The following SPECC1 variants were observed in gnomAD, a reference collection of about 807,000 sequenced individuals.
The protein encoded by SPECC1 is sperm antigen with calponin homology and coiled-coil domains 1.
A neutral mutation model predicts 104.1 loss-of-function variants in SPECC1; 62 were observed. The ratio of observed to expected loss-of-function variants is 0.60; its 90% CI spans 0.49 to 0.74. The LOEUF is 0.74. SPECC1 is among the 30% of genes least tolerant of loss of function. SPECC1 has a pLI of 0.00. For synonymous variants in SPECC1, 513 were observed against 501.6 expected, an observed-to-expected ratio of 1.02 and a Z score of -0.30; for missense variants, 1,306 against 1,310.5, an observed-to-expected ratio of 1.00 and a Z score of 0.05.
intron 2 of SPECC1, among the ~76,000 whole-genome samples, chr17:20,108,324 TTC>T (rs1203304280): frequency 6.6e-6 from 1 of 152,208 alleles, no homozygotes; most frequent in African/African-American, 2.4e-5. Flanking sequence ...AATTTTCTTT[TTC>T]TGTTTTAATG....
intron 3 of SPECC1, among the ~76,000 whole-genome samples, chr17:20,121,104 A>G (rs1285503794): frequency 4.6e-5 from 7 of 152,108 alleles, no homozygotes; most frequent in African/African-American, 1.4e-4. Flanking sequence ...AGGGGCTTCT[A>G]TTTTTGAGCC....
intron 3 of SPECC1, among the ~76,000 whole-genome samples, chr17:20,120,385 C>CA (rs921108215): frequency 3.0e-4 from 44 of 145,036 alleles, no homozygotes; most frequent in Admixed American, 8.2e-4. Context: ...GACTCAGTCT[C>CA]AAAAAAAAAA....
At chr17:20,121,926 T>G (rs2049053022) in intron 3 of SPECC1, among the ~76,000 whole-genome samples, 1 of 152,230 alleles carries the variant, frequency 6.6e-6, no homozygotes, top group African/African-American at 2.4e-5. Flanking sequence ...TCAACAAATA[T>G]CTTTGAGTGG....
intron 3 of SPECC1, among the ~76,000 whole-genome samples, chr17:20,131,569 T>C (rs1420798845): frequency 6.6e-6 from 1 of 152,016 alleles, no homozygotes; most frequent in East Asian, 1.9e-4. Flanking sequence ...AACACTATAT[T>C]GAATAAAAGT....
chr17:20,019,758 C>T (rs936302078), intron 1 of SPECC1, among the ~76,000 whole-genome samples: 1 of 152,186 alleles, frequency 6.6e-6, no homozygotes, highest in African/African-American at 2.4e-5. Context: ...TCTGCCACTT[C>T]TCTTCCAGCT....
At chr17:20,182,550 A>C (rs1422174188) in intron 3 of SPECC1, among the ~76,000 whole-genome samples, 1 of 152,204 alleles carries the variant, frequency 6.6e-6, no homozygotes, top group Non-Finnish European at 1.5e-5. Flanking sequence ...TGTTGAATTG[A>C]GGCTTTGAAA....
At chr17:20,086,968 A>C (rs1405002040) in intron 1 of SPECC1, 1 of 152,194 alleles carries the variant, frequency 6.6e-6, no homozygotes, top group Non-Finnish European at 1.5e-5. Flanking sequence ...TCCTGACATC[A>C]CAGGGCTGTG....
At chr17:20,256,930 G>C (rs777769645) in intron 10 of SPECC1, among the ~76,000 whole-genome samples, 1 of 152,218 alleles carries the variant, frequency 6.6e-6, no homozygotes, top group Non-Finnish European at 1.5e-5. Flanking sequence ...TAATATGACA[G>C]CAGAAAGGAG....
In SPECC1 at chr17:20,029,006, C is replaced by T. The variant is rs536551824; in HGVS notation, c.-22+19582C>T. Reference sequence around the variant, plus strand: ...CGAGCTCCCGACCTCAGGTAATCTGCGTGCCTCAGCCTCCCAAAGTGCTGG... The same window carrying T: ...CGAGCTCCCGACCTCAGGTAATCTGTGTGCCTCAGCCTCCCAAAGTGCTGG... On this transcript the variant is annotated intron_variant, in intron 1 of 14. Coordinates refer to ENST00000395527, the MANE Select transcript of SPECC1 (RefSeq NM_001243439.2). 3.3e-5 allele frequency among the ~76,000 whole-genome samples: 5 copies of T among 152,294 alleles called. No homozygotes were observed. The East Asian group carries it at 5.8e-4, about 18-fold the overall frequency.
intron 3 of SPECC1, among the ~76,000 whole-genome samples, chr17:20,199,748 C>T (rs988150817): frequency 6.6e-6 from 1 of 151,876 alleles, no homozygotes; most frequent in Non-Finnish European, 1.5e-5. Flanking sequence ...ACAGGGGTTC[C>T]TTTTTCTCCA....
Position 20,193,188 on chromosome 17 carries a change from G to C in SPECC1, c.284-11145G>C, listed in dbSNP as rs368287131. ...CTGGCAGGAGTGTAGTAGTGAGGAC[G>C]ACCAGAGGTCACTCTTGTGGCCATC... On this transcript the variant is annotated intron_variant, in intron 3 of 14. Coordinates refer to ENST00000395527, the MANE Select transcript of SPECC1 (RefSeq NM_001243439.2). Among the ~76,000 whole-genome samples the C allele has an allele frequency of 2.8e-4, 42 of 152,298 alleles. No homozygotes were observed. In the East Asian group the frequency reaches 6.9e-3, roughly 25 times the overall value.
rs186195506 is a variant in SPECC1 at position 20,292,532 on chromosome 17, A to G, written c.2941-4429A>G. ...TTTAGTAGAGTTGAGGTTTCACTAC[A>G]TTGGCCAGGCTGGTCTCGAACTCCT... On this transcript the variant is annotated intron_variant, in intron 12 of 14. Coordinates refer to ENST00000395527, the MANE Select transcript of SPECC1 (RefSeq NM_001243439.2). 5.3e-5 allele frequency among the ~76,000 whole-genome samples: 8 copies of G among 152,156 alleles called. No homozygotes were observed. In the East Asian group the frequency reaches 1.4e-3, roughly 26 times the overall value.
In SPECC1 at chr17:20,227,416, G is replaced by A; in HGVS notation, c.1867G>A (p.Glu623Lys). The A allele has an allele frequency of 1.9e-6, 3 of 1,610,558 alleles. No homozygotes were observed. Among genetic ancestry groups the A allele is most frequent in the Non-Finnish European group, 2.5e-6 (3 of 1,178,650 alleles). The change falls in exon 5 of 15, where the codon GAA becomes AAA. Residue 623 changes from glutamate to lysine, a missense_variant. Physicochemically the swap from Glu to Lys is moderately conservative, Grantham distance 56. Transcript: ENST00000395527. ...KHVSSLLAKV[E>K]KDYSYLKEIC... ...AGGAACCTTCCTTTTATTTTAGGTG[G>A]AAAAGGATTATTCATACCTGAAGGA...
intron 3 of SPECC1, among the ~76,000 whole-genome samples, chr17:20,191,613 CATTAGGT>C (rs1293168107): frequency 6.6e-6 from 1 of 151,402 alleles, no homozygotes; most frequent in East Asian, 2.0e-4. Context: ...CTGTCATCTA[CATTAGGT>C]ATTTCTCCTA....
chr17:20,176,239 TAATAAATGTTA>T (rs2034464064), intron 3 of SPECC1, among the ~76,000 whole-genome samples: 1 of 152,242 alleles, frequency 6.6e-6, no homozygotes, highest in African/African-American at 2.4e-5. Flanking sequence ...CAATGAATGT[TAATAAATGTTA>T]AATAAATTAT....
chr17:20,059,627 C>A (rs1567818121), intron 1 of SPECC1, among the ~76,000 whole-genome samples: 1 of 152,178 alleles, frequency 6.6e-6, no homozygotes, highest in East Asian at 1.9e-4. Flanking sequence ...ATCCCTGAGA[C>A]CCTTTTCCAC....
At position 20,227,545 on chromosome 17, in the gene SPECC1, T is replaced by G; in HGVS notation, c.1996T>G (p.Phe666Val). The G allele has an allele frequency of 6.2e-7, 1 of 1,612,660 alleles. No homozygotes were observed. The highest frequency in any genetic ancestry group is 8.5e-7 in the Non-Finnish European group (1 of 1,179,666). ...AEIKDMKETI[F>V]ELEDQVEQHR... ...GATCAAAGACATGAAAGAAACCATATTTGAATTGGAAGATCAGGTGGAACA... is the reference window on the plus strand; with the variant it reads ...GATCAAAGACATGAAAGAAACCATAGTTGAATTGGAAGATCAGGTGGAACA... The change falls in exon 5 of 15, where the codon TTT becomes GTT. Residue 666 changes from phenylalanine (F) to valine (V), a missense_variant. By Grantham distance (50) the Phe-to-Val change is conservative. Coordinates refer to ENST00000395527, the MANE Select transcript of SPECC1 (RefSeq NM_001243439.2).
chr17:20,300,669 C>T (rs939600411), intron 13 of SPECC1, among the ~76,000 whole-genome samples: 3 of 152,244 alleles, frequency 2.0e-5, no homozygotes, highest in African/African-American at 4.8e-5. Context: ...CTAGTCTCTG[C>T]GATTCTGAGC....
At chr17:20,306,123 A>G in intron 14 of SPECC1, 41 bp downstream of exon 14, 1 of 1,574,456 alleles carries the variant, frequency 6.4e-7, no homozygotes, top group East Asian at 2.2e-5. Context: ...CTTTAATTGT[A>G]TGAGAAATGA....
Sources: gnomAD v4.1 joint callset for allele counts (sites outside exome capture counted in the v4.1 genomes callset) on GRCh38, gnomAD v4.1.1 for gene constraint, MANE v1.5 for transcripts, NCBI Gene and HGNC (gene_info 2026-07-23, HGNC 2026-07-21) for gene names.